ANKRD30BL: variants seen among roughly 807,000 people sequenced by gnomAD.
The protein encoded by ANKRD30BL is putative ankyrin repeat domain-containing protein 30B-like.
Under a neutral mutation model 18.4 loss-of-function variants are expected in ANKRD30BL, and 20 were observed. That is an observed-to-expected ratio of 1.09 (90% CI 0.77 to 1.58). ANKRD30BL has a LOEUF of 1.58. Among genes scored for constraint, ANKRD30BL ranks in the 40% most tolerant of loss-of-function variants. ANKRD30BL has a pLI of 0.00. For synonymous variants in ANKRD30BL, 72 were observed against 100.9 expected (o/e 0.71, Z 1.72); for missense variants, 224 against 268.6 (o/e 0.83, Z 1.16).
At chr2:132,256,439 C>A (rs796930441) in intron 1 of ANKRD30BL, among the ~76,000 whole-genome samples, 1 of 152,324 alleles carries the variant, frequency 6.6e-6, no homozygotes, top group East Asian at 1.9e-4. Flanking sequence ...GACCCGTGTG[C>A]GGCAGCCGCG....
At chr2:132,174,388 G>A (rs1573816017) in intron 1 of ANKRD30BL, among the ~76,000 whole-genome samples, 1 of 152,142 alleles carries the variant, frequency 6.6e-6, no homozygotes, top group Admixed American at 6.5e-5. Context: ...TCAGTGAAAG[G>A]CTTAATGTGG....
intron 1 of ANKRD30BL, among the ~76,000 whole-genome samples, chr2:132,215,094 C>A (rs546486662): frequency 1.7e-3 from 258 of 149,944 alleles, no homozygotes; most frequent in African/African-American, 6.0e-3. Flanking sequence ...CCTTTGTTTT[C>A]ATTGAGCAGT....
At chr2:132,166,970 T>C (rs1490689008) in intron 1 of ANKRD30BL, among the ~76,000 whole-genome samples, 1 of 151,864 alleles carries the variant, frequency 6.6e-6, no homozygotes, top group Non-Finnish European at 1.5e-5. Context: ...TCATATATTT[T>C]AATAAGTTGT....
rs187297751 is a variant in ANKRD30BL at position 132,237,079 on chromosome 2, A to G, written n.441+20450T>C. ...TCATAGGTGGGAATTGAGCAATGAGATCACATGGACACAGGAAGGGGAACA... is the reference window on the plus strand; with the variant it reads ...TCATAGGTGGGAATTGAGCAATGAGGTCACATGGACACAGGAAGGGGAACA... On this transcript the variant is annotated intron_variant and non_coding_transcript_variant, in intron 1 of 4. Coordinates refer to the ANKRD30BL transcript ENST00000470729. Among the ~76,000 whole-genome samples the G allele has an allele frequency of 1.3e-3, 201 of 151,882 alleles. 1 individual carries two copies. Among genetic ancestry groups the G allele is most frequent in the African/African-American group, 4.5e-3 (187 of 41,506 alleles).
At position 132,161,733 on chromosome 2, in the gene ANKRD30BL, C is replaced by G. The variant is rs1356795665; in HGVS notation, c.-28G>C. The G allele has an allele frequency of 2.2e-5, 25 of 1,119,838 alleles. No individual in the cohort carries two copies. The highest frequency in any genetic ancestry group is 4.0e-5 in the South Asian group (3 of 75,038). 69.4% of individuals were successfully genotyped at this position (1,119,838 alleles called of 1,614,324 possible). A position where few individuals can be genotyped will look rare whatever the true frequency, so the allele number is the denominator to read the frequency against. ...CTGCAGCCACCTGCTAGAGAGAGCC[C>G]GTGCCTCCCGCTGCTCGCCCTTCCC... On this transcript the variant is annotated 5_prime_UTR_variant, in exon 1 of 6. Coordinates refer to ENST00000409867, the MANE Select transcript of ANKRD30BL (RefSeq NM_001358416.1).
chr2:132,157,240 T>C, intron 2 of ANKRD30BL, 69 bp downstream of exon 2: 1 of 1,009,474 alleles, frequency 9.9e-7, no homozygotes, highest in Non-Finnish European at 1.5e-6. Flanking sequence ...TTCAATGAGA[T>C]AGATTCATTT....
intron 1 of ANKRD30BL, among the ~76,000 whole-genome samples, chr2:132,256,487 C>T (rs1573904095): frequency 6.6e-6 from 1 of 152,344 alleles, no homozygotes; most frequent in African/African-American, 2.4e-5. Context: ...GGGCGCGGGG[C>T]GGCCCCGACG....
In ANKRD30BL at chr2:132,147,915, G is replaced by A. The variant is rs1327210731; in HGVS notation, c.*216C>T. 5.8e-6 allele frequency: 3 copies of A among 517,174 alleles called. No homozygotes were observed. Among genetic ancestry groups the A allele is most frequent in the African/African-American group, 4.0e-5 (2 of 49,420 alleles). The allele number at this position is 517,174 out of a possible 1,614,324, so 32.0% of individuals were successfully genotyped here. ...ACTAAAGACAAAGCAGGTGTTAGAG[G>A]CTAGAAGGGGGCTGTTTAATGAAAC... is the stretch of plus-strand genomic sequence containing the variant. On this transcript the variant is annotated 3_prime_UTR_variant, in exon 6 of 6. Transcript: ENST00000409867.
chr2:132,170,545 T>G (rs1688260481), intron 1 of ANKRD30BL, among the ~76,000 whole-genome samples: 1 of 152,226 alleles, frequency 6.6e-6, no homozygotes, highest in South Asian at 2.1e-4. Flanking sequence ...TTTGCATAGT[T>G]TCATCAAGAA....
At chr2:132,167,270 ATTTATT>A (rs1474617383) in intron 1 of ANKRD30BL, among the ~76,000 whole-genome samples, 3 of 147,154 alleles carry the variant, frequency 2.0e-5, no homozygotes, top group Non-Finnish European at 1.5e-5. Flanking sequence ...AATTACATTC[ATTTATT>A]TTTATTTTAT....
chr2:132,147,737 G>C lies in ANKRD30BL; in HGVS notation c.*394C>G, dbSNP rs1175854584. ...GTTGTGTCTTTTCCCTATTGGATAG[G>C]GTTGGACTGCACACTCTAAGCCAAT... On this transcript the variant is annotated 3_prime_UTR_variant, in exon 6 of 6. Transcript: ENST00000409867. 9.6e-6 allele frequency: 2 copies of C among 208,078 alleles called. No homozygotes were observed. Among genetic ancestry groups the C allele is most frequent in the African/African-American group, 4.5e-5 (2 of 44,420 alleles). 12.9% of individuals were successfully genotyped at this position (208,078 alleles called of 1,614,324 possible). A position where few individuals can be genotyped will look rare whatever the true frequency, so the allele number is the denominator to read the frequency against.
At chr2:132,176,002 T>G (rs1032617764) in intron 1 of ANKRD30BL, among the ~76,000 whole-genome samples, 2 of 152,208 alleles carry the variant, frequency 1.3e-5, no homozygotes, top group Non-Finnish European at 2.9e-5. Context: ...CCTTTCTACA[T>G]AGACACAGTA....
intron 1 of ANKRD30BL, among the ~76,000 whole-genome samples, chr2:132,237,786 A>G (rs1573877161): frequency 1.3e-5 from 2 of 152,000 alleles, no homozygotes; most frequent in Admixed American, 1.3e-4. Context: ...AACAGGAAAT[A>G]TCTTTCCATA....
At position 132,253,758 on chromosome 2, in the gene ANKRD30BL, C is replaced by A. The variant is rs1327070581; in HGVS notation, n.441+3771G>T. Among the ~76,000 whole-genome samples, 5 of 152,040 alleles carry A rather than the reference C, an allele frequency of 3.3e-5. No individual in the cohort carries two copies. The East Asian group carries it at 9.8e-4, about 30-fold the overall frequency. On this transcript the variant is annotated intron_variant and non_coding_transcript_variant, in intron 1 of 4. Transcript: ENST00000470729. The stretch of plus-strand genomic sequence containing the variant: ...GGCGACCCCTCAAGGGGTCCTTAAA[C>A]CTCTGCACCAGAATGCGCTAGGTAC...
In ANKRD30BL at chr2:132,175,510, T is replaced by A. The variant is rs191791892; in HGVS notation, n.442-18364A>T. ...TATTATACTGAGACATTCAGTTCCC[T>A]GGGGCAGGCAGGAGACAGTGGCCTT... is the stretch of plus-strand genomic sequence containing the variant. On this transcript the variant is annotated intron_variant and non_coding_transcript_variant, in intron 1 of 4. Transcript: ENST00000470729. Among the ~76,000 whole-genome samples the A allele has an allele frequency of 2.0e-3, 311 of 152,350 alleles. 2 individuals are homozygous for A. The highest frequency in any genetic ancestry group is 0.011 in the Admixed American group (162 of 15,300).
intron 1 of ANKRD30BL, among the ~76,000 whole-genome samples, chr2:132,177,129 C>A (rs1688378914): frequency 6.6e-6 from 1 of 151,778 alleles, no homozygotes; most frequent in Non-Finnish European, 1.5e-5. Flanking sequence ...TGCCTTTTTG[C>A]CATTTCCTTA....
intron 1 of ANKRD30BL, among the ~76,000 whole-genome samples, chr2:132,209,832 G>A (rs1258785330): frequency 6.6e-6 from 1 of 151,504 alleles, no homozygotes; most frequent in African/African-American, 2.4e-5. Flanking sequence ...GCGTTTTGAG[G>A]CCTATTGTAG....
intron 1 of ANKRD30BL, among the ~76,000 whole-genome samples, chr2:132,222,832 TAAAAAAAAAAAAAAAA>T (rs71001178): frequency 5.5e-4 from 29 of 52,814 alleles, no homozygotes; most frequent in South Asian, 2.0e-3. Context: ...GAATGATCAA[TAAAAAAAAAAAAAAAA>T]AAAAAAAAAA....
At chr2:132,235,512 A>G (rs1269291334) in intron 1 of ANKRD30BL, among the ~76,000 whole-genome samples, 1 of 152,120 alleles carries the variant, frequency 6.6e-6, no homozygotes, top group East Asian at 1.9e-4. Context: ...AAATCAATGT[A>G]CAAAAATCAC....
Sources: allele counts gnomAD v4.1 joint callset (sites outside exome capture counted in the v4.1 genomes callset), GRCh38; gene constraint gnomAD v4.1.1; transcripts MANE v1.5; gene names NCBI Gene and HGNC (gene_info 2026-07-23, HGNC 2026-07-21).